Variants in RBFOX1 observed in about 807,000 individuals in gnomAD.
RBFOX1 encodes the protein RNA binding protein fox-1 homolog 1.
RBFOX1 carries 8 observed loss-of-function variants against 57.7 expected under a neutral mutation model. The ratio of observed to expected loss-of-function variants is 0.14; its 90% CI spans 0.08 to 0.25. The LOEUF (loss-of-function observed/expected upper bound fraction) is 0.25. Among genes scored for constraint, RBFOX1 ranks in the 10% least tolerant of loss-of-function variants. The probability of loss-of-function intolerance (pLI) is 1.00; values close to 1 mark genes in which losing one functional copy is unlikely to be tolerated. For missense variants in RBFOX1, 611 were observed against 548.5 expected (o/e 1.11, Z -1.14); for synonymous variants, 326 against 222.4 (o/e 1.47, Z -4.15).
At chr16:7,620,226 A>T (rs982612091) in intron 10 of RBFOX1, among the ~76,000 whole-genome samples, 1 of 152,186 alleles carries the variant, frequency 6.6e-6, no homozygotes, top group Non-Finnish European at 1.5e-5. Flanking sequence ...TTTGCCAAAC[A>T]CTTTCATGCC....
At chr16:6,696,439 C>G (rs1415026969) in intron 3 of RBFOX1, among the ~76,000 whole-genome samples, 2 of 152,152 alleles carry the variant, frequency 1.3e-5, no homozygotes, top group African/African-American at 4.8e-5. Flanking sequence ...TTCATCCCCT[C>G]TGAAATAAAT....
downstream of RBFOX1, chr16:5,601,407 C>T (rs1002832772): frequency 1.3e-5 from 2 of 152,368 alleles, no homozygotes; most frequent in African/African-American, 4.8e-5. Flanking sequence ...GTAGAAGCCA[C>T]ATGGGAGGAT....
At chr16:7,220,131 T>C (rs779901323) in intron 4 of RBFOX1, among the ~76,000 whole-genome samples, 11 of 152,202 alleles carry the variant, frequency 7.2e-5, no homozygotes, top group Non-Finnish European at 1.3e-4. Flanking sequence ...ACAATTGTCC[T>C]AGCACCCATC....
rs1343664601 is a variant in RBFOX1 at position 6,794,631 on chromosome 16, G to A, written c.-16+139981G>A. 1.3e-5 allele frequency among the ~76,000 whole-genome samples: 2 copies of A among 152,122 alleles called. 1 individual carries two copies. The highest frequency in any genetic ancestry group is 1.3e-4 in the Admixed American group (2 of 15,268). Reference sequence around the variant, plus strand: ...AAATCATGGAATAGTTTCTAGGCATGTAAAGCGGGTGAGAGAAACCAAACC... The same window carrying A: ...AAATCATGGAATAGTTTCTAGGCATATAAAGCGGGTGAGAGAAACCAAACC... On this transcript the variant is annotated intron_variant, in intron 3 of 15. Coordinates refer to ENST00000550418, the MANE Select transcript of RBFOX1 (RefSeq NM_018723.4).
intron 1 of RBFOX1, among the ~76,000 whole-genome samples, chr16:6,298,116 T>C (rs4462590): frequency 0.3 from 45,848 of 152,106 alleles, 6,976 homozygotes; most frequent in East Asian, 0.35. Flanking sequence ...AAGAGCACAC[T>C]GTAACACACG....
At chr16:7,092,612 C>T (rs1307732954) in intron 4 of RBFOX1, among the ~76,000 whole-genome samples, 1 of 152,174 alleles carries the variant, frequency 6.6e-6, no homozygotes, top group Non-Finnish European at 1.5e-5. Context: ...AATGCATTCA[C>T]TAATCATATA....
At chr16:6,729,374 T>C (rs186198066) in intron 3 of RBFOX1, among the ~76,000 whole-genome samples, 4 of 152,292 alleles carry the variant, frequency 2.6e-5, no homozygotes, top group African/African-American at 9.6e-5. Context: ...CACTCACTCA[T>C]TAATAAAATA....
At chr16:7,120,838 C>CACACACACAT (rs2066991029) in intron 4 of RBFOX1, among the ~76,000 whole-genome samples, 9 of 141,668 alleles carry the variant, frequency 6.4e-5, no homozygotes, top group East Asian at 2.0e-4. Context: ...TATACACACA[C>CACACACACAT]ACACACACAC....
At chr16:7,240,991 T>C (rs1224225918) in intron 4 of RBFOX1, among the ~76,000 whole-genome samples, 1 of 152,228 alleles carries the variant, frequency 6.6e-6, no homozygotes, top group Admixed American at 6.5e-5. Context: ...TCCCAAACAA[T>C]TCTCTTAATA....
chr16:6,297,146 G>A (rs189827564), intron 1 of RBFOX1, among the ~76,000 whole-genome samples: 383 of 152,180 alleles, frequency 2.5e-3, no homozygotes, highest in Admixed American at 4.8e-3. Flanking sequence ...AGTCAGTGTT[G>A]TCGCCATCTT....
In RBFOX1 at chr16:6,903,454, C is replaced by T. The variant is rs991673185; in HGVS notation, c.-15-148603C>T. On this transcript the variant is annotated intron_variant, in intron 3 of 15. Transcript: ENST00000550418. The stretch of plus-strand genomic sequence containing the variant: ...CGTGAAGTCTGCCATCATTGCTTAT[C>T]TGTCTTTGAATTCTCTAGTGTCTAG... Among the ~76,000 whole-genome samples the T allele has an allele frequency of 3.3e-5, 5 of 152,320 alleles. No individual in the cohort carries two copies. In the East Asian group the frequency reaches 7.7e-4, roughly 24 times the overall value.
intron 3 of RBFOX1, among the ~76,000 whole-genome samples, chr16:6,671,808 G>A (rs534493175): frequency 4.6e-5 from 7 of 152,250 alleles, no homozygotes; most frequent in Non-Finnish European, 8.8e-5. Flanking sequence ...TCCTTTTTAT[G>A]ACGGAGTAGT....
At chr16:6,885,971 C>T (rs1214543218) in intron 3 of RBFOX1, among the ~76,000 whole-genome samples, 1 of 152,124 alleles carries the variant, frequency 6.6e-6, no homozygotes, top group Non-Finnish European at 1.5e-5. Flanking sequence ...TGTCAAGAAT[C>T]ACAAACCACA....
chr16:6,820,621 TAC>T (rs2091110212), intron 3 of RBFOX1, among the ~76,000 whole-genome samples: 3 of 151,842 alleles, frequency 2.0e-5, no homozygotes, highest in African/African-American at 7.3e-5. Flanking sequence ...ATCACACTAC[TAC>T]AGTCCAGCCT....
chr16:7,063,161 G>A (rs1453248140), intron 4 of RBFOX1, among the ~76,000 whole-genome samples: 1 of 151,962 alleles, frequency 6.6e-6, no homozygotes, highest in African/African-American at 2.4e-5. Context: ...GGCACACGCA[G>A]GGCTAGATGC....
intron 4 of RBFOX1, among the ~76,000 whole-genome samples, chr16:7,500,970 C>T (rs1028914026): frequency 1.3e-5 from 2 of 152,162 alleles, no homozygotes; most frequent in Admixed American, 6.5e-5. Context: ...CTGCTTTGCT[C>T]GGCCCTTGTC....
intron 4 of RBFOX1, among the ~76,000 whole-genome samples, chr16:7,265,960 TTTTG>T (rs1462872301): frequency 0.018 from 1,721 of 97,536 alleles, 323 homozygotes; most frequent in African/African-American, 0.1. Context: ...TCTGGTGGGT[TTTTG>T]TTTTTTTTTT....
chr16:6,829,013 C>A (rs2092469485), intron 3 of RBFOX1, among the ~76,000 whole-genome samples: 1 of 152,220 alleles, frequency 6.6e-6, no homozygotes, highest in South Asian at 2.1e-4. Flanking sequence ...TTGCCTGACT[C>A]ATCCTTGAAT....
chr16:5,497,981 A>G lies in RBFOX1; in HGVS notation c.258+30727A>G, dbSNP rs1429646419. On this transcript the variant is annotated intron_variant, in intron 2 of 2. Coordinates refer to the RBFOX1 transcript ENST00000585867. Reference sequence around the variant, plus strand: ...AAAGAAAATTTCAGGCAGAGGGAAAAAACATGTGCAAAGGCTGGAAGATGG... The same window carrying G: ...AAAGAAAATTTCAGGCAGAGGGAAAGAACATGTGCAAAGGCTGGAAGATGG... Among the ~76,000 whole-genome samples the G allele has an allele frequency of 2.6e-5, 4 of 152,222 alleles. No homozygotes were observed. In the East Asian group the frequency reaches 7.7e-4, roughly 29 times the overall value.
Sources: allele counts gnomAD v4.1 joint callset (sites outside exome capture counted in the v4.1 genomes callset), GRCh38; gene constraint gnomAD v4.1.1; transcripts MANE v1.5; gene names NCBI Gene and HGNC (gene_info 2026-07-23, HGNC 2026-07-21).